Variants in ROBO2 observed in about 807,000 individuals in gnomAD.
ROBO2 encodes the protein roundabout homolog 2.
In ROBO2, 53 loss-of-function variants were observed where a neutral mutation model predicts 160.8. The observed-to-expected ratio is 0.33, with a 90% CI of 0.26 to 0.41. The LOEUF (loss-of-function observed/expected upper bound fraction) is 0.41. Ranked by LOEUF, ROBO2 falls within the 10% of genes least tolerant of loss-of-function variation. The pLI is 1.00. For synonymous variants in ROBO2, 664 were observed against 611.7 expected (o/e 1.09, Z -1.26); for missense variants, 1,577 against 1,722.4 (o/e 0.92, Z 1.49).
intron 2 of ROBO2, among the ~76,000 whole-genome samples, chr3:76,594,806 C>A (rs1308899775): frequency 2.0e-5 from 3 of 151,840 alleles, no homozygotes; most frequent in Admixed American, 6.6e-5. Flanking sequence ...ACTGAAAAAC[C>A]AGAGAACTGA....
chr3:77,326,941 G>A (rs2153437443), intron 2 of ROBO2, among the ~76,000 whole-genome samples: 1 of 152,140 alleles, frequency 6.6e-6, no homozygotes, highest in East Asian at 1.9e-4. Flanking sequence ...TACTCATTTT[G>A]TTTTCCAAGA....
intron 2 of ROBO2, among the ~76,000 whole-genome samples, chr3:76,261,299 C>CT (rs1217874112): frequency 3.3e-5 from 5 of 151,358 alleles, no homozygotes; most frequent in Non-Finnish European, 5.9e-5. Context: ...ACCCTTCCTT[C>CT]TTTACCTGGA....
In ROBO2 at chr3:77,516,128, C is replaced by T. The variant is rs546951724; in HGVS notation, c.807-6647C>T. On this transcript the variant is annotated intron_variant, in intron 5 of 25. Transcript: ENST00000461745. ...TGGTTTTCTAGACTTTAATGAAGTT[C>T]TTTGAAATTGTTATTTTTACACATG... Among the ~76,000 whole-genome samples, 32 of 151,584 alleles carry T rather than the reference C, an allele frequency of 2.1e-4. No homozygotes were observed. The South Asian group carries it at 6.0e-3, about 28-fold the overall frequency.
chr3:77,445,903 T>C (rs944636982), intron 2 of ROBO2, among the ~76,000 whole-genome samples: 1 of 149,872 alleles, frequency 6.7e-6, no homozygotes, highest in Non-Finnish European at 1.5e-5. Context: ...ACAGGTGAAA[T>C]AATTACTAGG....
intron 2 of ROBO2, among the ~76,000 whole-genome samples, chr3:76,864,313 G>A (rs1201057434): frequency 6.6e-6 from 1 of 152,032 alleles, no homozygotes; most frequent in Non-Finnish European, 1.5e-5. Flanking sequence ...CTGTATGCAA[G>A]AAAGTAGATG....
chr3:76,910,805 T>C (rs1443029670), intron 2 of ROBO2, among the ~76,000 whole-genome samples: 1 of 150,110 alleles, frequency 6.7e-6, no homozygotes. Context: ...TAAGTGAATA[T>C]ATATGAGGAA....
chr3:76,173,484 G>C (rs912213045), intron 2 of ROBO2, among the ~76,000 whole-genome samples: 1 of 151,894 alleles, frequency 6.6e-6, no homozygotes, highest in African/African-American at 2.4e-5. Flanking sequence ...ACATGCATTA[G>C]GTATTTATCC....
chr3:75,917,127 C>G (rs563714122), intron 1 of ROBO2, among the ~76,000 whole-genome samples: 2 of 152,030 alleles, frequency 1.3e-5, no homozygotes, highest in Non-Finnish European at 2.9e-5. Context: ...CCTATCAACC[C>G]GTTATCTAGG....
intron 2 of ROBO2, among the ~76,000 whole-genome samples, chr3:76,252,314 C>T (rs539134437): frequency 2.6e-5 from 4 of 151,950 alleles, no homozygotes; most frequent in Non-Finnish European, 5.9e-5. Context: ...ATCAACCAGA[C>T]GTAATTGGTG....
At chr3:77,272,080 T>C (rs2059527167) in intron 2 of ROBO2, among the ~76,000 whole-genome samples, 1 of 152,184 alleles carries the variant, frequency 6.6e-6, no homozygotes, top group Non-Finnish European at 1.5e-5. Context: ...AAAAATACTA[T>C]TTTTCTTTCC....
chr3:76,565,559 A>G (rs968277113), intron 2 of ROBO2, among the ~76,000 whole-genome samples: 1 of 152,180 alleles, frequency 6.6e-6, no homozygotes, highest in Admixed American at 6.5e-5. Context: ...TCTGGTGGTC[A>G]CAAACAAAAT....
chr3:76,254,468 G>A (rs1268000734), intron 2 of ROBO2, among the ~76,000 whole-genome samples: 2 of 152,084 alleles, frequency 1.3e-5, no homozygotes, highest in East Asian at 3.9e-4. Context: ...TGCAGAGTCA[G>A]TCAGAGACTT....
At chr3:77,608,206 C>T (rs1276666519) in intron 21 of ROBO2, among the ~76,000 whole-genome samples, 1 of 152,170 alleles carries the variant, frequency 6.6e-6, no homozygotes, top group Non-Finnish European at 1.5e-5. Flanking sequence ...GATAATGCAG[C>T]CTCCATTTAT....
chr3:76,537,486 G>A (rs1577985090), intron 2 of ROBO2, among the ~76,000 whole-genome samples: 1 of 152,018 alleles, frequency 6.6e-6, no homozygotes, highest in East Asian at 1.9e-4. Flanking sequence ...GAAGGAGAGA[G>A]AGACTGAAGG....
intron 2 of ROBO2, among the ~76,000 whole-genome samples, chr3:76,368,751 C>T (rs942465063): frequency 3.3e-5 from 5 of 151,924 alleles, no homozygotes; most frequent in Admixed American, 6.6e-5. Flanking sequence ...TGTATCAGGA[C>T]GTGGGATCTA....
intron 2 of ROBO2, among the ~76,000 whole-genome samples, chr3:76,726,230 T>A (rs1330197437): frequency 2.0e-5 from 3 of 152,176 alleles, no homozygotes; most frequent in Non-Finnish European, 4.4e-5. Flanking sequence ...TCACTCATCT[T>A]TGAAGGCTGT....
chr3:77,434,121 C>T (rs1327347375), intron 2 of ROBO2, among the ~76,000 whole-genome samples: 1 of 152,054 alleles, frequency 6.6e-6, no homozygotes, highest in Non-Finnish European at 1.5e-5. Context: ...ATGCTACCTA[C>T]AAGACCCTGC....
At chr3:77,292,923 T>TA (rs1165507170) in intron 2 of ROBO2, among the ~76,000 whole-genome samples, 1 of 146,702 alleles carries the variant, frequency 6.8e-6, no homozygotes, top group East Asian at 2.1e-4. Flanking sequence ...ACCAAAGACA[T>TA]AAAGTAAAAT....
At chr3:77,099,751 T>C (rs1363860849) in intron 2 of ROBO2, among the ~76,000 whole-genome samples, 1 of 152,082 alleles carries the variant, frequency 6.6e-6, no homozygotes, top group Non-Finnish European at 1.5e-5. Flanking sequence ...CCTTTTATGG[T>C]GAATATGACT....
Sources: gnomAD v4.1 joint callset for allele counts (sites outside exome capture counted in the v4.1 genomes callset) on GRCh38, gnomAD v4.1.1 for gene constraint, MANE v1.5 for transcripts, NCBI Gene and HGNC (gene_info 2026-07-23, HGNC 2026-07-21) for gene names.